The following SUSD1 variants were observed in gnomAD, a reference collection of about 807,000 sequenced individuals.
SUSD1 encodes the protein sushi domain-containing protein 1.
Under a neutral mutation model 86.9 loss-of-function variants are expected in SUSD1, and 65 were observed. The ratio of observed to expected loss-of-function variants is 0.75; its 90% CI spans 0.61 to 0.92. SUSD1 has a LOEUF of 0.92. Among genes scored for constraint, SUSD1 ranks in the 40% least tolerant of loss-of-function variants. The probability of loss-of-function intolerance (pLI) is 0.00; values close to 1 mark genes in which losing one functional copy is unlikely to be tolerated. For synonymous variants in SUSD1, 346 were observed against 350.0 expected (o/e 0.99, Z 0.13); for missense variants, 850 against 929.7 (o/e 0.91, Z 1.11).
In SUSD1 at chr9:112,058,646, T is replaced by C; in HGVS notation, c.1891A>G (p.Thr631Ala). 6.2e-7 allele frequency: 1 copy of C among 1,614,142 alleles called. No homozygotes were observed. Among genetic ancestry groups the C allele is most frequent in the Non-Finnish European group, 8.5e-7 (1 of 1,180,010 alleles). ...VLVLPLALQS[T>A]FSCDSEGASS... The stretch of plus-strand genomic sequence containing the variant: ...GCGCCTTCAGAATCACAAGAAAATG[T>C]GCTTTGGAGGGCCAGGGGAAGCACT... The change falls in exon 14 of 17, where the codon ACA (threonine) becomes GCA (alanine). Residue 631 changes from threonine to alanine, a missense_variant. Coordinates refer to ENST00000374270, the MANE Select transcript of SUSD1 (RefSeq NM_022486.5).
chr9:112,076,940 G>A (rs1385225457), intron 12 of SUSD1, among the ~76,000 whole-genome samples: 1 of 152,186 alleles, frequency 6.6e-6, no homozygotes, highest in African/African-American at 2.4e-5. Context: ...GTAAAGCAAT[G>A]AAGACGTATG....
In SUSD1 at chr9:112,126,448, T is replaced by A. The variant is rs187579543; in HGVS notation, c.707-2012A>T. Among the ~76,000 whole-genome samples, 724 of 151,838 alleles carry A rather than the reference T, an allele frequency of 4.8e-3. 4 individuals carry two copies. The highest frequency in any genetic ancestry group is 0.01 in the African/African-American group (430 of 41,430). ...GACTTTGGTTGGGACTGCAAGATTT[T>A]AAAAAAAAATTAATACCAAATATCA... On this transcript the variant is annotated intron_variant, in intron 5 of 16. Coordinates refer to ENST00000374270, the MANE Select transcript of SUSD1 (RefSeq NM_022486.5).
intron 10 of SUSD1, among the ~76,000 whole-genome samples, chr9:112,091,709 G>T (rs916511356): frequency 3.3e-5 from 5 of 152,142 alleles, no homozygotes; most frequent in African/African-American, 9.7e-5. Flanking sequence ...TTGTATAACT[G>T]CTCTATAAAT....
intron 6 of SUSD1, among the ~76,000 whole-genome samples, chr9:112,120,047 C>T (rs2564901): frequency 0.14 from 20,956 of 152,100 alleles, 1,810 homozygotes; most frequent in East Asian, 0.23. Flanking sequence ...AACACGAAGA[C>T]AGGGAAATAT....
intron 15 of SUSD1, among the ~76,000 whole-genome samples, chr9:112,049,383 G>C (rs915009093): frequency 6.6e-6 from 1 of 152,198 alleles, no homozygotes; most frequent in Non-Finnish European, 1.5e-5. Flanking sequence ...AAGCATCTCA[G>C]AGATCCCAGA....
intron 12 of SUSD1, 125 bp downstream of exon 12, chr9:112,078,413 C>A: frequency 1.1e-6 from 1 of 925,132 alleles, no homozygotes; most frequent in Non-Finnish European, 1.6e-6. Context: ...ATTCCATGTC[C>A]TTCCTCCTCT....
At chr9:112,174,872 G>T (rs773984877) in intron 1 of SUSD1, among the ~76,000 whole-genome samples, 1 of 151,920 alleles carries the variant, frequency 6.6e-6, no homozygotes, top group Non-Finnish European at 1.5e-5. Context: ...GTCCCTGGGG[G>T]CCCGGCCAGG....
At chr9:112,104,051 C>T (rs6477880) in intron 8 of SUSD1, among the ~76,000 whole-genome samples, 78,776 of 151,546 alleles carry the variant, frequency 0.52, 21,217 homozygotes, top group East Asian at 0.72. Flanking sequence ...TCTTCTCTCT[C>T]TTTTTTTAAA....
chr9:112,156,570 C>T (rs1833335406), intron 2 of SUSD1, among the ~76,000 whole-genome samples: 1 of 152,070 alleles, frequency 6.6e-6, no homozygotes, highest in Admixed American at 6.6e-5. Context: ...CCACATGTGG[C>T]TAATTTAAAA....
Position 112,041,888 on chromosome 9 carries a change from A to G in SUSD1, c.2222T>C (p.Phe741Ser). ...ATACCACACCGCTGAGAAGGAGAGG[A>G]ATGTGAGAATGATCACAACAGCCAG... ...GSLAVVIILTFLSFSAV is the reference protein window; with the variant it reads ...GSLAVVIILTSLSFSAV The change falls in exon 16 of 17, where the codon TTC becomes TCC. Residue 741 changes from phenylalanine (F) to serine (S), a missense_variant. Coordinates refer to ENST00000374270, the MANE Select transcript of SUSD1 (RefSeq NM_022486.5). 2 of 1,613,912 alleles carry G rather than the reference A, an allele frequency of 1.2e-6. No individual in the cohort carries two copies. The highest frequency in any genetic ancestry group is 1.7e-6 in the Non-Finnish European group (2 of 1,179,882).
At position 112,110,962 on chromosome 9, in the gene SUSD1, A is replaced by T. The variant is rs557568245; in HGVS notation, c.1171+692T>A. ...GCCTCCCTGGCACCTCCTCTTTCAC[A>T]CGCAAGAGCAAGAAATGGCTTTTTG... On this transcript the variant is annotated intron_variant, in intron 8 of 16. Coordinates refer to ENST00000374270, the MANE Select transcript of SUSD1 (RefSeq NM_022486.5). Among the ~76,000 whole-genome samples the T allele has an allele frequency of 6.6e-5, 10 of 151,592 alleles. No individual in the cohort carries two copies. In the South Asian group the frequency reaches 2.1e-3, roughly 32 times the overall value.
intron 12 of SUSD1, among the ~76,000 whole-genome samples, chr9:112,074,936 G>A (rs1290327195): frequency 3.3e-5 from 5 of 151,900 alleles, no homozygotes; most frequent in Non-Finnish European, 7.4e-5. Flanking sequence ...AATGTCCCCT[G>A]GTGGCCATGA....
chr9:112,139,177 T>C (rs1832448877), intron 5 of SUSD1, among the ~76,000 whole-genome samples: 1 of 152,208 alleles, frequency 6.6e-6, no homozygotes. Flanking sequence ...ATTCTATTTG[T>C]AGTATTCCAG....
intron 3 of SUSD1, among the ~76,000 whole-genome samples, chr9:112,147,985 G>A (rs929475562): frequency 5.9e-5 from 9 of 152,138 alleles, no homozygotes; most frequent in African/African-American, 9.7e-5. Flanking sequence ...GTGTTCATTC[G>A]TGCCAAGAAT....
At position 112,098,471 on chromosome 9, in the gene SUSD1, T is replaced by G. The variant is rs1386363264; in HGVS notation, c.1473A>C (p.Ala491=). 1 of 1,613,748 alleles carries G rather than the reference T, an allele frequency of 6.2e-7. No homozygotes were observed. The highest frequency in any genetic ancestry group is 1.3e-5 in the African/African-American group (1 of 74,928). Residue 491 remains alanine (A), a splice_region_variant and synonymous_variant, in exon 10 of 17, where the codon GCA becomes GCC. Transcript: ENST00000374270. ...AAAAAGAAAGACGTCTACACCCACC[T>G]GCTGGGGGAGTTGCTATTGTTATTT... ...SVQITIATPP[A]VKQTISNISG...
At chr9:112,086,132 G>A (rs1334835295) in intron 10 of SUSD1, among the ~76,000 whole-genome samples, 3 of 149,168 alleles carry the variant, frequency 2.0e-5, no homozygotes, top group Non-Finnish European at 3.0e-5. Context: ...AGCAAGACCC[G>A]CCCCTCTCAC....
chr9:112,058,533 C>A lies in SUSD1; in HGVS notation c.2004G>T (p.Glu668Asp). 3 of 1,614,162 alleles carry A rather than the reference C, an allele frequency of 1.9e-6. No homozygotes were observed. Among genetic ancestry groups the A allele is most frequent in the Non-Finnish European group, 2.5e-6 (3 of 1,180,020 alleles). ...AGTACAGCCTGTCTCCTATAGGTATCTCCATGGCATCATCTGGAACATCTT... is the reference window on the plus strand; with the variant it reads ...AGTACAGCCTGTCTCCTATAGGTATATCCATGGCATCATCTGGAACATCTT... ...LAKDVPDDAM[E>D]IPIGDRLYYG... The change falls in exon 14 of 17, where the codon GAG (glutamate) becomes GAT (aspartate). Residue 668 changes from glutamate to aspartate, a missense_variant. By Grantham distance (45) the Glu-to-Asp change is conservative (BLOSUM62 2). Coordinates refer to ENST00000374270, the MANE Select transcript of SUSD1 (RefSeq NM_022486.5).
chr9:112,164,496 T>C (rs1435796737), intron 1 of SUSD1, among the ~76,000 whole-genome samples: 2 of 149,666 alleles, frequency 1.3e-5, no homozygotes, highest in African/African-American at 2.5e-5. Flanking sequence ...ACGTAAGCTA[T>C]GATCATGCCA....
At chr9:112,147,344 T>C (rs991134876) in intron 3 of SUSD1, among the ~76,000 whole-genome samples, 4 of 151,878 alleles carry the variant, frequency 2.6e-5, no homozygotes, top group Non-Finnish European at 4.4e-5. Context: ...CTGTCTCTAC[T>C]AAAATACAAA....
Sources: allele counts gnomAD v4.1 joint callset (sites outside exome capture counted in the v4.1 genomes callset), GRCh38; gene constraint gnomAD v4.1.1; transcripts MANE v1.5; gene names NCBI Gene and HGNC (gene_info 2026-07-23, HGNC 2026-07-21).